ROBO1: variants seen among roughly 807,000 people sequenced by gnomAD.
ROBO1 encodes the protein roundabout homolog 1.
A neutral mutation model predicts 195.9 loss-of-function variants in ROBO1; 149 were observed. That is an observed-to-expected ratio of 0.76 (90% CI 0.67 to 0.87). The LOEUF (loss-of-function observed/expected upper bound fraction) is 0.87, where lower values mean the gene tolerates loss of function less well. Among genes scored for constraint, ROBO1 ranks in the 40% least tolerant of loss-of-function variants. The pLI is 0.00. For missense variants in ROBO1, 1,933 were observed against 2,068.3 expected (o/e 0.93, Z 1.27); for synonymous variants, 816 against 733.2 (o/e 1.11, Z -1.82).
intron 2 of ROBO1, among the ~76,000 whole-genome samples, chr3:79,540,716 T>C (rs1942033682): frequency 6.6e-6 from 1 of 152,152 alleles, no homozygotes; most frequent in African/African-American, 2.4e-5. Flanking sequence ...TGAAACTAGG[T>C]TTCTTCTTTA....
intron 2 of ROBO1, among the ~76,000 whole-genome samples, chr3:79,524,876 GAAATA>G (rs2107591861): frequency 6.6e-6 from 1 of 151,920 alleles, no homozygotes; most frequent in Non-Finnish European, 1.5e-5. Context: ...TCTGGTCCTA[GAAATA>G]AAATAGTTGA....
At chr3:79,576,046 TA>T (rs1248883303) in intron 2 of ROBO1, among the ~76,000 whole-genome samples, 1 of 152,036 alleles carries the variant, frequency 6.6e-6, no homozygotes, top group Non-Finnish European at 1.5e-5. Flanking sequence ...CTGTTTGTCA[TA>T]ACATATTATG....
chr3:78,691,160 G>T (rs1039723943), intron 8 of ROBO1, among the ~76,000 whole-genome samples: 26 of 152,024 alleles, frequency 1.7e-4, no homozygotes, highest in Admixed American at 2.6e-4. Flanking sequence ...ATACGTAATG[G>T]CCTAAATATG....
At chr3:79,074,967 C>A (rs7615107) in intron 3 of ROBO1, among the ~76,000 whole-genome samples, 151,572 of 152,028 alleles carry the variant, frequency 1, 75,564 homozygotes, top group Middle Eastern at 1. Flanking sequence ...AAAACAGAAA[C>A]CTTTAATTGT....
chr3:79,364,552 A>G (rs1173586104), intron 2 of ROBO1, among the ~76,000 whole-genome samples: 1 of 151,844 alleles, frequency 6.6e-6, no homozygotes, highest in African/African-American at 2.4e-5. Context: ...ACTCTTGACT[A>G]ATTAATCTTT....
At chr3:79,165,979 G>A (rs963711280) in intron 2 of ROBO1, among the ~76,000 whole-genome samples, 1 of 152,164 alleles carries the variant, frequency 6.6e-6, no homozygotes, top group Admixed American at 6.5e-5. Flanking sequence ...TCCACCTGTG[G>A]AGAGCAACTT....
chr3:78,795,344 A>T (rs1321950644), intron 4 of ROBO1, among the ~76,000 whole-genome samples: 1 of 152,206 alleles, frequency 6.6e-6, no homozygotes, highest in East Asian at 1.9e-4. Context: ...CAAGAAACAA[A>T]ATTACGGCCT....
intron 3 of ROBO1, among the ~76,000 whole-genome samples, chr3:79,108,349 T>G (rs2079822171): frequency 6.6e-6 from 1 of 151,738 alleles, no homozygotes; most frequent in South Asian, 2.1e-4. Context: ...GTTCACCTAT[T>G]TAGTCACTTT....
chr3:79,541,160 G>A (rs1008450373), intron 2 of ROBO1, among the ~76,000 whole-genome samples: 3 of 152,088 alleles, frequency 2.0e-5, no homozygotes, highest in Admixed American at 6.6e-5. Flanking sequence ...TTTGGAAATT[G>A]TACTAAATCT....
intron 3 of ROBO1, chr3:79,019,041 G>A (rs562602956): frequency 2.0e-6 from 2 of 989,438 alleles, no homozygotes; most frequent in African/African-American, 1.7e-5. Context: ...TCCGCGCGCA[G>A]AGAGCGAGCG....
intron 3 of ROBO1, among the ~76,000 whole-genome samples, chr3:78,951,777 T>C (rs2040806392): frequency 6.6e-6 from 1 of 152,010 alleles, no homozygotes; most frequent in Non-Finnish European, 1.5e-5. Flanking sequence ...GATATACACG[T>C]AAGTGCTAAG....
chr3:78,963,579 CGCGATCTCG>C (rs2041514578), intron 3 of ROBO1, among the ~76,000 whole-genome samples: 1 of 119,032 alleles, frequency 8.4e-6, no homozygotes, highest in Non-Finnish European at 1.6e-5. Context: ...AGTGCAGTGG[CGCGATCTCG>C]GCTCACTGCA....
intron 3 of ROBO1, among the ~76,000 whole-genome samples, chr3:79,109,022 A>T (rs888962713): frequency 4.5e-4 from 69 of 151,836 alleles, no homozygotes; most frequent in African/African-American, 1.5e-3. Flanking sequence ...CTTTTTTTTT[A>T]AAACAGAAAA....
rs779434629 is a variant in ROBO1 at position 78,717,754 on chromosome 3, T to G, written c.778+9A>C. ...TTTCAATGAGAAGATTAAATAAAAT[T>G]ACACTTACCTAAGACAGTCAGCTCG... On this transcript the variant is annotated intron_variant, in intron 6 of 30. Coordinates refer to ENST00000464233, the MANE Select transcript of ROBO1 (RefSeq NM_002941.4). 4 of 1,611,148 alleles carry G rather than the reference T, an allele frequency of 2.5e-6. No individual in the cohort carries two copies. The highest frequency in any genetic ancestry group is 3.4e-6 in the Non-Finnish European group (4 of 1,178,722).
intron 1 of ROBO1, among the ~76,000 whole-genome samples, chr3:79,716,027 G>T (rs757001645): frequency 2.0e-5 from 3 of 151,962 alleles, no homozygotes; most frequent in Non-Finnish European, 4.4e-5. Flanking sequence ...TAAACAAAAA[G>T]CTGAAGATGT....
chr3:79,181,925 CAAAAA>C (rs151309857), intron 2 of ROBO1, among the ~76,000 whole-genome samples: 29 of 87,632 alleles, frequency 3.3e-4, no homozygotes, highest in Admixed American at 9.0e-4. Context: ...GATCTTGTGC[CAAAAA>C]AAAAAAAAAA....
chr3:79,569,703 G>T (rs570700421), intron 2 of ROBO1, among the ~76,000 whole-genome samples: 1 of 151,518 alleles, frequency 6.6e-6, no homozygotes, highest in African/African-American at 2.4e-5. Flanking sequence ...ATATATATGT[G>T]TGTGTGTATA....
At chr3:79,322,604 A>C (rs985683350) in intron 2 of ROBO1, among the ~76,000 whole-genome samples, 9 of 152,304 alleles carry the variant, frequency 5.9e-5, no homozygotes, top group Non-Finnish European at 1.3e-4. Context: ...GATTCCCTTC[A>C]CTAGAAAATA....
In ROBO1 at chr3:78,800,218, T is replaced by C. The variant is rs143322180; in HGVS notation, c.500-53318A>G. 2.9e-3 allele frequency among the ~76,000 whole-genome samples: 441 copies of C among 152,228 alleles called. 5 individuals carry two copies. The highest frequency in any genetic ancestry group is 9.7e-3 in the African/African-American group (404 of 41,544). ...TTTAAAATTCTGCATATTTGGGGGA[T>C]AAAAGTAGATTTAGAAAGCAGCCCA... On this transcript the variant is annotated intron_variant, in intron 4 of 30. Coordinates refer to ENST00000464233, the MANE Select transcript of ROBO1 (RefSeq NM_002941.4).
Sources: gnomAD v4.1 joint callset for allele counts (sites outside exome capture counted in the v4.1 genomes callset) on GRCh38, gnomAD v4.1.1 for gene constraint, MANE v1.5 for transcripts, NCBI Gene and HGNC (gene_info 2026-07-23, HGNC 2026-07-21) for gene names.